The following NTRK2 variants were observed in gnomAD, a reference collection of about 807,000 sequenced individuals.
The protein encoded by NTRK2 is neurotrophic receptor tyrosine kinase 2, also known as BDNF/NT-3 growth factors receptor.
Under a neutral mutation model 94.5 loss-of-function variants are expected in NTRK2, and 13 were observed. The ratio of observed to expected loss-of-function variants is 0.14; its 90% confidence interval spans 0.09 to 0.22. The LOEUF (loss-of-function observed/expected upper bound fraction) is 0.22, where lower values mean the gene tolerates loss of function less well. Among genes scored for constraint, NTRK2 ranks in the 10% least tolerant of loss-of-function variants. The pLI is 1.00. For missense variants in NTRK2, 639 were observed against 1,071.2 expected, an observed-to-expected ratio of 0.60 and a Z score of 5.63; for synonymous variants, 372 against 407.4, an observed-to-expected ratio of 0.91 and a Z score of 1.05.
intron 2 of NTRK2, among the ~76,000 whole-genome samples, chr9:84,694,586 T>C (rs1354378526): frequency 6.6e-6 from 1 of 152,140 alleles, no homozygotes; most frequent in Non-Finnish European, 1.5e-5. Context: ...CAAAACTCTT[T>C]CTCAGCATTT....
chr9:84,842,785 T>G (rs1173338848), intron 12 of NTRK2, among the ~76,000 whole-genome samples: 2 of 152,166 alleles, frequency 1.3e-5, no homozygotes, highest in African/African-American at 4.8e-5. Context: ...TAGATCTGAG[T>G]GAACATTTGG....
chr9:84,878,018 C>T, intron 14 of NTRK2: 8 of 890,208 alleles, frequency 9.0e-6, no homozygotes, highest in Non-Finnish European at 1.1e-5. Context: ...AAGTTGTCCG[C>T]ATTGGTTCCC....
At chr9:84,994,907 C>T (rs908888694) in intron 17 of NTRK2, among the ~76,000 whole-genome samples, 7 of 152,174 alleles carry the variant, frequency 4.6e-5, no homozygotes, top group African/African-American at 1.7e-4. Flanking sequence ...AGACAAGTCA[C>T]TAATGTGCAG....
At chr9:84,844,430 A>G (rs1427546773) in intron 12 of NTRK2, among the ~76,000 whole-genome samples, 1 of 152,154 alleles carries the variant, frequency 6.6e-6, no homozygotes. Flanking sequence ...GGGAGGTCAA[A>G]TTTTTGTAAG....
intron 16 of NTRK2, among the ~76,000 whole-genome samples, chr9:84,950,433 A>C (rs541291961): frequency 6.6e-6 from 1 of 152,296 alleles, no homozygotes; most frequent in African/African-American, 2.4e-5. Context: ...AAGAGTAAGA[A>C]GTCCCAGTAG....
At chr9:84,948,885 T>C (rs1212579923) in intron 16 of NTRK2, among the ~76,000 whole-genome samples, 4 of 152,220 alleles carry the variant, frequency 2.6e-5, no homozygotes, top group Non-Finnish European at 5.9e-5. Context: ...CACTGAACAT[T>C]TGCTACATGG....
chr9:84,967,801 A>G (rs1429260454), intron 17 of NTRK2, among the ~76,000 whole-genome samples: 5 of 152,216 alleles, frequency 3.3e-5, no homozygotes, highest in Non-Finnish European at 7.4e-5. Context: ...TTGGAAAGGT[A>G]TGGAGAGATT....
At chr9:84,711,673 A>G (rs769497279) in intron 6 of NTRK2, among the ~76,000 whole-genome samples, 13 of 152,250 alleles carry the variant, frequency 8.5e-5, no homozygotes, top group Admixed American at 2.0e-4. Context: ...TATTAATCAC[A>G]AACAACCGAT....
rs1312844590 is a variant in NTRK2 at position 84,975,937 on chromosome 9, G to A, written c.2172+20420G>A. On this transcript the variant is annotated intron_variant, in intron 17 of 18. Transcript: ENST00000277120. Reference sequence around the variant, plus strand: ...GTCCCTATGCCCCCTTGGTCTGAAGGGACAAGGGGAAGGAGTGGTTATCTA... The same window carrying A: ...GTCCCTATGCCCCCTTGGTCTGAAGAGACAAGGGGAAGGAGTGGTTATCTA... 2.6e-5 allele frequency among the ~76,000 whole-genome samples: 4 copies of A among 152,096 alleles called. No homozygotes were observed. The South Asian group carries it at 8.3e-4, about 32-fold the overall frequency.
chr9:84,975,787 T>A (rs62563930), intron 17 of NTRK2, among the ~76,000 whole-genome samples: 123,626 of 151,632 alleles, frequency 0.82, 50,499 homozygotes, highest in African/African-American at 0.85. Context: ...GTGTGAATTG[T>A]ATTCACACAA....
At position 84,732,297 on chromosome 9, in the gene NTRK2, A is replaced by G. The variant is rs527537374; in HGVS notation, c.1159+4338A>G. ...AGTAGCTTCCTGCCCCTTGTTGCAC[A>G]TTTGAATCAACTGGAGACTTTTTGT... is the stretch of plus-strand genomic sequence containing the variant. On this transcript the variant is annotated intron_variant, in intron 9 of 18. Coordinates refer to ENST00000277120, the MANE Select transcript of NTRK2 (RefSeq NM_006180.6). 2.6e-5 allele frequency among the ~76,000 whole-genome samples: 4 copies of G among 152,288 alleles called. No homozygotes were observed. The South Asian group carries it at 8.3e-4, about 32-fold the overall frequency.
intron 12 of NTRK2, among the ~76,000 whole-genome samples, chr9:84,838,578 C>G (rs910574467): frequency 6.6e-6 from 1 of 151,834 alleles, no homozygotes; most frequent in African/African-American, 2.4e-5. Flanking sequence ...TTATACTTAC[C>G]GCATTTTCCA....
intron 12 of NTRK2, among the ~76,000 whole-genome samples, chr9:84,755,262 C>G (rs754093847): frequency 6.6e-6 from 1 of 152,180 alleles, no homozygotes; most frequent in Admixed American, 6.5e-5. Context: ...TGATGGTCCA[C>G]TCCAGAACAG....
At chr9:84,766,526 T>C (rs1258287331) in intron 12 of NTRK2, among the ~76,000 whole-genome samples, 1 of 152,158 alleles carries the variant, frequency 6.6e-6, no homozygotes, top group Non-Finnish European at 1.5e-5. Context: ...TAATTTCTTA[T>C]ACTGAAGCAT....
chr9:84,706,518 T>TTAG, intron 4 of NTRK2, among the ~76,000 whole-genome samples: 1 of 109,028 alleles, frequency 9.2e-6, no homozygotes, highest in Admixed American at 1.1e-4. Context: ...TGTGTTATTT[T>TTAG]TTGTTTTTGT....
At position 84,723,435 on chromosome 9, in the gene NTRK2, C is replaced by T. The variant is rs574653470; in HGVS notation, c.584-138C>T. 31 of 974,478 alleles carry T rather than the reference C, an allele frequency of 3.2e-5. No homozygotes were observed. The East Asian group carries it at 8.1e-4, about 25-fold the overall frequency. 60.4% of individuals were successfully genotyped at this position (974,478 alleles called of 1,614,324 possible). ...GAAGCTGATCAAAGTAGCACTTTTT[C>T]AGATCAACAGAAATCAGTCTCAAAA... On this transcript the variant is annotated intron_variant, in intron 6 of 18. Transcript: ENST00000277120.
chr9:84,954,849 CA>C (rs1388803301), intron 16 of NTRK2, among the ~76,000 whole-genome samples: 1 of 152,208 alleles, frequency 6.6e-6, no homozygotes, highest in East Asian at 1.9e-4. Context: ...ACTGGGCTGC[CA>C]TGTCCATCCC....
intron 6 of NTRK2, among the ~76,000 whole-genome samples, chr9:84,714,652 T>C (rs1564110034): frequency 6.6e-6 from 1 of 152,200 alleles, no homozygotes; most frequent in East Asian, 1.9e-4. Flanking sequence ...GAATTCTGTG[T>C]TGAAGAAACC....
rs116328299 is a variant in NTRK2, at chr9:85,009,180, A to G, written c.2173-11026A>G. 3.5e-3 allele frequency among the ~76,000 whole-genome samples: 537 copies of G among 152,358 alleles called. 4 individuals carry two copies. The highest frequency in any genetic ancestry group is 0.013 in the African/African-American group (521 of 41,592). ...GTGTGTCTGGACCATAGACTCATGA[A>G]ACCACAAAATAAACTTACTTTTCAT... On this transcript the variant is annotated intron_variant, in intron 17 of 18. Transcript: ENST00000277120.
Sources: allele counts gnomAD v4.1 joint callset (sites outside exome capture counted in the v4.1 genomes callset), GRCh38; gene constraint gnomAD v4.1.1; transcripts MANE v1.5; gene names NCBI Gene and HGNC (gene_info 2026-07-23, HGNC 2026-07-21).